RALGPS2: variants seen among roughly 807,000 people sequenced by gnomAD.
RALGPS2 encodes Ral GEF with PH domain and SH3 binding motif 2.
Under a neutral mutation model 86.8 loss-of-function variants are expected in RALGPS2, and 43 were observed. The ratio of observed to expected loss-of-function variants is 0.50; its 90% CI spans 0.39 to 0.64. RALGPS2 has a LOEUF of 0.64. Ranked by LOEUF, RALGPS2 falls within the 30% of genes least tolerant of loss-of-function variation. The pLI is 0.00. For missense variants in RALGPS2, 536 were observed against 694.6 expected, an observed-to-expected ratio of 0.77 and a Z score of 2.57; for synonymous variants, 243 against 231.3, an observed-to-expected ratio of 1.05 and a Z score of -0.46.
chr1:178,850,180 G>A (rs943871164), intron 8 of RALGPS2: 54 of 152,710 alleles, frequency 3.5e-4, no homozygotes, highest in Non-Finnish European at 7.3e-5. Context: ...AGTCCCACCT[G>A]TTCTGAGCAT....
At chr1:178,911,667 A>G (rs998468373) in intron 19 of RALGPS2, among the ~76,000 whole-genome samples, 2 of 152,214 alleles carry the variant, frequency 1.3e-5, no homozygotes, top group Non-Finnish European at 2.9e-5. Flanking sequence ...CCTTGTGCCA[A>G]TGAAAAGAAT....
intron 1 of RALGPS2, among the ~76,000 whole-genome samples, chr1:178,768,575 A>G (rs1016428990): frequency 1.3e-5 from 2 of 152,144 alleles, no homozygotes; most frequent in African/African-American, 2.4e-5. Context: ...TGTACACTTG[A>G]TCCTTGTTTA....
At chr1:178,785,754 A>C in intron 4 of RALGPS2, 147 bp downstream of exon 4, 1 of 1,002,716 alleles carries the variant, frequency 1.0e-6, no homozygotes, top group East Asian at 2.9e-5. Flanking sequence ...TTTGGGCCTC[A>C]GAAACCCACG....
At chr1:178,850,607 C>G (rs1003858492) in intron 8 of RALGPS2, 1 of 152,020 alleles carries the variant, frequency 6.6e-6, no homozygotes, top group African/African-American at 2.4e-5. Flanking sequence ...TTAATCATTA[C>G]GTGTGAAAGG....
chr1:178,885,086 A>C lies in RALGPS2; in HGVS notation c.915A>C (p.Val305=). ...ASREDLVGPE[V]GASPQSGRKS... is the part of the protein sequence containing the mutation. ...AAATTTAACCCTTAGGTCCTGAAGT[A>C]GGAGCGTCTCCACAGAGTGGACGAA... is the stretch of plus-strand genomic sequence containing the variant. Residue 305 remains valine, a synonymous_variant, in exon 12 of 20, where the codon GTA becomes GTC. Transcript: ENST00000367635. The C allele has an allele frequency of 1.9e-6, 3 of 1,588,192 alleles. No individual in the cohort carries two copies. Among genetic ancestry groups the C allele is most frequent in the Non-Finnish European group, 2.6e-6 (3 of 1,173,264 alleles).
At chr1:178,762,728 C>T (rs1374613027) in intron 1 of RALGPS2, among the ~76,000 whole-genome samples, 2 of 152,030 alleles carry the variant, frequency 1.3e-5, no homozygotes, top group Non-Finnish European at 2.9e-5. Flanking sequence ...GTTTAAGTTC[C>T]TTATAGATCC....
At chr1:178,777,787 CG>C (rs1163956873) in intron 2 of RALGPS2, among the ~76,000 whole-genome samples, 2 of 151,626 alleles carry the variant, frequency 1.3e-5, no homozygotes, top group Non-Finnish European at 2.9e-5. Context: ...AAACAAGCAA[CG>C]GGGAAAGGAT....
At chr1:178,848,552 T>G (rs1311023890) in intron 8 of RALGPS2, among the ~76,000 whole-genome samples, 1 of 152,184 alleles carries the variant, frequency 6.6e-6, no homozygotes, top group East Asian at 1.9e-4. Flanking sequence ...CTTTTTATTT[T>G]TGGTCCAGCC....
chr1:178,729,814 T>C (rs1425969992), intron 1 of RALGPS2, among the ~76,000 whole-genome samples: 1 of 152,258 alleles, frequency 6.6e-6, no homozygotes, highest in Non-Finnish European at 1.5e-5. Flanking sequence ...AAAACTCCGG[T>C]CCTCTGCCTC....
chr1:178,895,067 G>A (rs929288488), intron 16 of RALGPS2, among the ~76,000 whole-genome samples: 1 of 151,688 alleles, frequency 6.6e-6, no homozygotes, highest in African/African-American at 2.4e-5. Flanking sequence ...AACTATATTG[G>A]GGGGGGAAAA....
rs1289875659 is a variant in RALGPS2, at chr1:178,747,698, C to A, written c.-84+22279C>A. The stretch of plus-strand genomic sequence containing the variant: ...CAACTGTGATCATCAAGTACAGCAG[C>A]TGCCAGCGATGCTGAGCATCCAACT... On this transcript the variant is annotated intron_variant, in intron 1 of 19. Coordinates refer to ENST00000367635, the MANE Select transcript of RALGPS2 (RefSeq NM_152663.5). 8.4e-6 allele frequency: 12 copies of A among 1,434,008 alleles called. No homozygotes were observed. The African/African-American group carries it at 1.5e-4, about 18-fold the overall frequency. The allele number at this position is 1,434,008 out of a possible 1,614,324, so 88.8% of individuals were successfully genotyped here. A position where few individuals can be genotyped will look rare whatever the true frequency, so the allele number is the denominator to read the frequency against.
intron 1 of RALGPS2, among the ~76,000 whole-genome samples, chr1:178,733,080 G>A (rs999827032): frequency 1.3e-5 from 2 of 151,984 alleles, no homozygotes; most frequent in African/African-American, 4.8e-5. Flanking sequence ...TGTAACGTAG[G>A]GATTCTTTGT....
intron 8 of RALGPS2, among the ~76,000 whole-genome samples, chr1:178,846,046 A>T (rs558023538): frequency 4.6e-5 from 7 of 152,328 alleles, no homozygotes; most frequent in African/African-American, 1.7e-4. Flanking sequence ...AGTAGAATAT[A>T]GTTATTTAGT....
chr1:178,904,409 G>A (rs999991192), intron 18 of RALGPS2, among the ~76,000 whole-genome samples: 1 of 152,118 alleles, frequency 6.6e-6, no homozygotes, highest in Non-Finnish European at 1.5e-5. Flanking sequence ...TGGGTTTTTG[G>A]TCATGAAATC....
intron 8 of RALGPS2, among the ~76,000 whole-genome samples, chr1:178,867,235 T>G (rs1419841236): frequency 6.6e-6 from 1 of 152,142 alleles, no homozygotes; most frequent in Non-Finnish European, 1.5e-5. Flanking sequence ...CATGTTTTAC[T>G]TATCACCACA....
chr1:178,734,357 A>C (rs1205969462), intron 1 of RALGPS2, among the ~76,000 whole-genome samples: 2 of 152,234 alleles, frequency 1.3e-5, no homozygotes, highest in Admixed American at 6.5e-5. Flanking sequence ...CTCCTAGAAC[A>C]GCAGATAGAG....
At chr1:178,910,409 ACT>A (rs1660574863) in intron 19 of RALGPS2, among the ~76,000 whole-genome samples, 2 of 151,820 alleles carry the variant, frequency 1.3e-5, no homozygotes, top group African/African-American at 4.8e-5. Flanking sequence ...GCCATAGATG[ACT>A]CTTACTATTT....
intron 1 of RALGPS2, among the ~76,000 whole-genome samples, chr1:178,764,032 G>A (rs1652378244): frequency 6.6e-6 from 1 of 151,912 alleles, no homozygotes; most frequent in South Asian, 2.1e-4. Flanking sequence ...TTGAGTTCAG[G>A]TCCTGAATGA....
chr1:178,866,789 C>G (rs2102340450), intron 8 of RALGPS2, among the ~76,000 whole-genome samples: 1 of 152,244 alleles, frequency 6.6e-6, no homozygotes, highest in East Asian at 1.9e-4. Flanking sequence ...GAAGCAGCAC[C>G]TATACTAAAA....
Sources: allele counts gnomAD v4.1 joint callset (sites outside exome capture counted in the v4.1 genomes callset), GRCh38; gene constraint gnomAD v4.1.1; transcripts MANE v1.5; gene names NCBI Gene and HGNC (gene_info 2026-07-23, HGNC 2026-07-21).